The following TTC6 variants were observed in gnomAD, a reference collection of about 807,000 sequenced individuals.
The protein encoded by TTC6 is tetratricopeptide repeat protein 6.
Under a neutral mutation model 210.4 loss-of-function variants are expected in TTC6, and 172 were observed. The observed-to-expected ratio is 0.82, with a 90% CI of 0.72 to 0.93. TTC6 has a LOEUF of 0.93. Ranked by LOEUF, TTC6 falls within the 40% of genes least tolerant of loss-of-function variation. TTC6 has a pLI of 0.00. For missense variants in TTC6, 2,414 were observed against 2,318.1 expected (o/e 1.04, Z -0.85); for synonymous variants, 804 against 819.6 (o/e 0.98, Z 0.32).
At chr14:37,731,639 G>A (rs1187986862) in intron 7 of TTC6, among the ~76,000 whole-genome samples, 2 of 152,094 alleles carry the variant, frequency 1.3e-5, no homozygotes, top group Non-Finnish European at 2.9e-5. Context: ...GTTAAACATT[G>A]TTTATGAGTC....
At chr14:37,743,014 A>G (rs2095925508) in intron 10 of TTC6, among the ~76,000 whole-genome samples, 1 of 152,252 alleles carries the variant, frequency 6.6e-6, no homozygotes, top group Non-Finnish European at 1.5e-5. Context: ...TGAGCAAAAC[A>G]TTTGAACTGT....
intron 1 of TTC6, among the ~76,000 whole-genome samples, chr14:37,633,706 A>G (rs2095674578): frequency 6.6e-6 from 1 of 152,158 alleles, no homozygotes; most frequent in African/African-American, 2.4e-5. Flanking sequence ...AACTTTCAAC[A>G]TCGTCCAGAA....
intron 1 of TTC6, among the ~76,000 whole-genome samples, chr14:37,671,231 T>G (rs2095757545): frequency 1.3e-5 from 2 of 152,282 alleles, no homozygotes; most frequent in South Asian, 4.1e-4. Context: ...TGGGACTGCT[T>G]AAGTGTTGTT....
chr14:37,721,739 A>C (rs1406326525), intron 6 of TTC6, among the ~76,000 whole-genome samples: 2 of 151,506 alleles, frequency 1.3e-5, no homozygotes, highest in Non-Finnish European at 2.9e-5. Flanking sequence ...ATCACATTAA[A>C]TATTAAGATG....
intron 1 of TTC6, among the ~76,000 whole-genome samples, chr14:37,670,565 G>C (rs1461471321): frequency 6.8e-6 from 1 of 146,628 alleles, no homozygotes; most frequent in Non-Finnish European, 1.5e-5. Context: ...CCACCTCCCA[G>C]GTTCAAGCAA....
At chr14:37,619,748 C>T (rs1311806396), upstream of TTC6, among the ~76,000 whole-genome samples, 2 of 151,010 alleles carry the variant, frequency 1.3e-5, no homozygotes, top group Non-Finnish European at 2.9e-5. Context: ...TATCTGGTTG[C>T]TCTTCATTGA....
intron 7 of TTC6, among the ~76,000 whole-genome samples, chr14:37,734,371 A>G (rs2095895836): frequency 6.6e-6 from 1 of 152,208 alleles, no homozygotes; most frequent in African/African-American, 2.4e-5. Flanking sequence ...CCCTTGCCCC[A>G]AGAAATTGCC....
At chr14:37,732,687 C>A (rs1490556467) in intron 7 of TTC6, among the ~76,000 whole-genome samples, 2 of 151,254 alleles carry the variant, frequency 1.3e-5, no homozygotes, top group Non-Finnish European at 2.9e-5. Flanking sequence ...GGCACAATCT[C>A]GGCTCACTGC....
intron 10 of TTC6, among the ~76,000 whole-genome samples, chr14:37,739,778 A>G (rs530674010): frequency 1.3e-5 from 2 of 152,266 alleles, no homozygotes; most frequent in South Asian, 2.1e-4. Flanking sequence ...TTTAGTAACA[A>G]AAAACAACTC....
intron 14 of TTC6, among the ~76,000 whole-genome samples, chr14:37,764,137 A>G (rs984790381): frequency 1.3e-5 from 2 of 152,094 alleles, no homozygotes; most frequent in African/African-American, 2.4e-5. Context: ...TAGTTAGAAA[A>G]TATACTTTGT....
At position 37,682,950 on chromosome 14, in the gene TTC6, T is replaced by G. The variant is rs758049156; in HGVS notation, c.1243T>G (p.Trp415Gly). Residue 415 changes from tryptophan (W) to glycine (G), a missense_variant, in exon 3 of 31, where the codon TGG becomes GGG. Physicochemically the swap from Trp to Gly is radical, Grantham distance 184. Transcript: ENST00000553443. ...CACAAGTGATTCAAAAGAAGCCAAG[T>G]GGGTGTCTTTAACGGTAAGAAACTA... The G allele has an allele frequency of 1.0e-5, 16 of 1,535,318 alleles. No individual in the cohort carries two copies. The African/African-American group carries it at 2.2e-4, about 21-fold the overall frequency.
chr14:37,782,892 G>T (rs1226779994), intron 14 of TTC6, among the ~76,000 whole-genome samples: 4 of 152,132 alleles, frequency 2.6e-5, no homozygotes, highest in Admixed American at 6.5e-5. Flanking sequence ...TAATCATGTG[G>T]TTTTTGTCTT....
intron 1 of TTC6, among the ~76,000 whole-genome samples, chr14:37,657,418 G>T (rs1338085818): frequency 6.6e-6 from 1 of 151,452 alleles, no homozygotes; most frequent in Admixed American, 6.6e-5. Flanking sequence ...CCTGTGCTGC[G>T]TGGGGAACTA....
intron 2 of TTC6, 83 bp downstream of exon 2, chr14:37,606,825 G>A: frequency 2.2e-5 from 21 of 970,232 alleles, no homozygotes; most frequent in Non-Finnish European, 2.6e-5. Context: ...CACCATCTTG[G>A]AGTACAGCCA....
intron 29 of TTC6, among the ~76,000 whole-genome samples, chr14:37,831,388 G>T (rs1226050182): frequency 6.6e-6 from 1 of 152,212 alleles, no homozygotes; most frequent in East Asian, 1.9e-4. Context: ...GCAAACCTGG[G>T]AGTGCAAATA....
chr14:37,781,433 G>A (rs977630739), intron 14 of TTC6, among the ~76,000 whole-genome samples: 4 of 151,518 alleles, frequency 2.6e-5, no homozygotes, highest in Non-Finnish European at 5.9e-5. Flanking sequence ...TCTTTTTTTT[G>A]AAAAGTGTTC....
chr14:37,680,772 C>T (rs2095781714), intron 2 of TTC6, among the ~76,000 whole-genome samples: 1 of 152,092 alleles, frequency 6.6e-6, no homozygotes, highest in Non-Finnish European at 1.5e-5. Flanking sequence ...GAAAGTATCT[C>T]CTTGTGTATA....
At chr14:37,805,654 C>A (rs1282614811) in intron 21 of TTC6, among the ~76,000 whole-genome samples, 2 of 152,044 alleles carry the variant, frequency 1.3e-5, no homozygotes, top group Non-Finnish European at 2.9e-5. Flanking sequence ...CTTTAAAATG[C>A]GGGGAAAAAT....
chr14:37,804,608 T>C (rs1389998018), intron 20 of TTC6, 72 bp from the exon 23 acceptor site: 7 of 1,546,358 alleles, frequency 4.5e-6, no homozygotes, highest in Non-Finnish European at 6.1e-6. Flanking sequence ...TTTTAACATA[T>C]AAGGCTGTAA....
Sources: gnomAD v4.1 joint callset for allele counts (sites outside exome capture counted in the v4.1 genomes callset) on GRCh38, gnomAD v4.1.1 for gene constraint, MANE v1.5 for transcripts, NCBI Gene and HGNC (gene_info 2026-07-23, HGNC 2026-07-21) for gene names.